Variants in SLC16A2 observed in about 807,000 individuals in gnomAD.
SLC16A2 encodes the protein solute carrier family 16 member 2.
A neutral mutation model predicts 27.2 loss-of-function variants in SLC16A2; 3 were observed. The observed-to-expected ratio is 0.11, with a 90% CI of 0.05 to 0.28. The LOEUF is 0.28. Ranked by LOEUF, SLC16A2 falls within the 10% of genes least tolerant of loss-of-function variation. SLC16A2 has a pLI of 1.00. For missense variants in SLC16A2, 295 were observed against 458.5 expected (o/e 0.64, Z 3.26); for synonymous variants, 202 against 187.8 (o/e 1.08, Z -0.62).
At chrX:74,428,147 C>T (rs775576387) in intron 1 of SLC16A2, among the ~76,000 whole-genome samples, 16 of 111,203 alleles carry the variant, frequency 1.4e-4, no homozygotes, top group African/African-American at 3.3e-4. Context: ...TACTGGGAAG[C>T]GGGTTTAGGC....
intron 1 of SLC16A2, among the ~76,000 whole-genome samples, chrX:74,442,126 G>T (rs1270130415): frequency 9.3e-6 from 1 of 107,713 alleles, no homozygotes; most frequent in Non-Finnish European, 1.9e-5. Context: ...TACTCGGGAG[G>T]CTGAGGCAGG....
At chrX:74,461,372 G>A (rs1190411945) in intron 1 of SLC16A2, among the ~76,000 whole-genome samples, 1 of 108,008 alleles carries the variant, frequency 9.3e-6, no homozygotes, top group Non-Finnish European at 1.9e-5. Context: ...AAAGATATTG[G>A]TGTGTTAGAA....
At chrX:74,497,780 C>T (rs767560707) in intron 1 of SLC16A2, among the ~76,000 whole-genome samples, 2 of 106,512 alleles carry the variant, frequency 1.9e-5, no homozygotes, top group Admixed American at 2.1e-4. Context: ...TGATAATGAA[C>T]ATAAAGGTCC....
At chrX:74,453,640 A>G (rs1928986035) in intron 1 of SLC16A2, among the ~76,000 whole-genome samples, 1 of 110,975 alleles carries the variant, frequency 9.0e-6, no homozygotes, top group Admixed American at 9.6e-5. Flanking sequence ...GTGGCTATTC[A>G]TAGGCACAAT....
At chrX:74,428,160 C>G (rs984212867) in intron 1 of SLC16A2, among the ~76,000 whole-genome samples, 1 of 111,156 alleles carries the variant, frequency 9.0e-6, no homozygotes, top group South Asian at 3.8e-4. Flanking sequence ...GTTTAGGCAA[C>G]CCCAGCTCTC....
intron 1 of SLC16A2, among the ~76,000 whole-genome samples, chrX:74,437,151 G>C (rs1371868813): frequency 1.8e-5 from 2 of 112,370 alleles, no homozygotes; most frequent in Admixed American, 1.9e-4. Flanking sequence ...CAAGCCTCGT[G>C]ACCTCCTTGC....
Position 74,518,326 on chromosome X carries a change from G to T in SLC16A2, c.431-2664G>T, listed in dbSNP as rs749073567. On this transcript the variant is annotated intron_variant, in intron 1 of 5. Coordinates refer to ENST00000587091, the MANE Select transcript of SLC16A2 (RefSeq NM_006517.5). ...AAACCTTTCTTTGCTGGGCACCATTGCTCACGCCTATAATCCCAGCACTTT... is the reference window on the plus strand; with the variant it reads ...AAACCTTTCTTTGCTGGGCACCATTTCTCACGCCTATAATCCCAGCACTTT... Among the ~76,000 whole-genome samples the T allele has an allele frequency of 2.2e-4, 25 of 112,192 alleles. 1 individual carries two copies. In the South Asian group the frequency reaches 2.6e-3, roughly 12 times the overall value.
At chrX:74,525,650 A>G (rs1366750351) in intron 3 of SLC16A2, 100 bp from the exon 4 acceptor site, 5 of 1,006,820 alleles carry the variant, frequency 5.0e-6, no homozygotes, top group Non-Finnish European at 7.0e-6. Flanking sequence ...GTCCTGCTCC[A>G]GGAAAGTAAG....
At chrX:74,456,534 A>G (rs1005185961) in intron 1 of SLC16A2, among the ~76,000 whole-genome samples, 2 of 111,546 alleles carry the variant, frequency 1.8e-5, no homozygotes, top group African/African-American at 6.5e-5. Context: ...AACGACAACA[A>G]CAACAACAAC....
intron 1 of SLC16A2, among the ~76,000 whole-genome samples, chrX:74,431,946 CCT>C (rs1174673784): frequency 8.9e-6 from 1 of 111,748 alleles, no homozygotes; most frequent in Non-Finnish European, 1.9e-5. Flanking sequence ...CAATTTGACC[CCT>C]GTGTCCTGTA....
rs146201173 is a variant in SLC16A2, at chrX:74,431,894, C to T, written c.430+9827C>T. 1.4e-3 allele frequency among the ~76,000 whole-genome samples: 152 copies of T among 111,555 alleles called. No individual in the cohort carries two copies. The East Asian group carries it at 0.021, about 15-fold the overall frequency. ...TAAGTATTTCCTCCCCATCTCCCAC[C>T]TTCCCACTCCATCTTTTCCATCTCC... On this transcript the variant is annotated intron_variant, in intron 1 of 5. Coordinates refer to ENST00000587091, the MANE Select transcript of SLC16A2 (RefSeq NM_006517.5).
intron 1 of SLC16A2, among the ~76,000 whole-genome samples, chrX:74,436,485 G>A (rs1290057033): frequency 9.0e-6 from 1 of 111,668 alleles, no homozygotes; most frequent in Non-Finnish European, 1.9e-5. Flanking sequence ...GTTTATTGTG[G>A]TAAGGCACTT....
chrX:74,450,483 A>G (rs746510822), intron 1 of SLC16A2, among the ~76,000 whole-genome samples: 1 of 111,251 alleles, frequency 9.0e-6, no homozygotes, highest in South Asian at 3.8e-4. Flanking sequence ...TAATTCTGTG[A>G]TCCGTACTCT....
At chrX:74,432,873 A>G (rs1928556853) in intron 1 of SLC16A2, among the ~76,000 whole-genome samples, 1 of 111,641 alleles carries the variant, frequency 9.0e-6, no homozygotes, top group Admixed American at 9.5e-5. Context: ...GTGAAAAGAG[A>G]TGGAGACAAA....
At chrX:74,501,994 A>T (rs960272391) in intron 1 of SLC16A2, among the ~76,000 whole-genome samples, 17 of 111,287 alleles carry the variant, frequency 1.5e-4, no homozygotes, top group Non-Finnish European at 2.5e-4. Context: ...ATTTGAACAT[A>T]AAAAAAACCT....
chrX:74,493,331 G>A (rs60345806), intron 1 of SLC16A2, among the ~76,000 whole-genome samples: 33,974 of 110,782 alleles, frequency 0.31, 5,008 homozygotes, highest in East Asian at 0.86. Context: ...GTGAAGAGAG[G>A]CAAGAGACCA....
chrX:74,477,393 A>G (rs921351709), intron 1 of SLC16A2, among the ~76,000 whole-genome samples: 2 of 111,189 alleles, frequency 1.8e-5, no homozygotes, highest in African/African-American at 3.3e-5. Context: ...TAGTCTAGCT[A>G]GCGGTCTATC....
At chrX:74,488,261 G>A (rs1269656321) in intron 1 of SLC16A2, among the ~76,000 whole-genome samples, 1 of 110,983 alleles carries the variant, frequency 9.0e-6, no homozygotes. Context: ...TAAAAAAGCA[G>A]GTCCAAAATA....
chrX:74,474,029 C>T (rs185807725), intron 1 of SLC16A2: 11 of 170,667 alleles, frequency 6.4e-5, no homozygotes, highest in East Asian at 4.1e-4. Context: ...GTTCATTTTT[C>T]AAGATTCTTT....
Sources: allele counts gnomAD v4.1 joint callset (sites outside exome capture counted in the v4.1 genomes callset), GRCh38; gene constraint gnomAD v4.1.1; transcripts MANE v1.5; gene names NCBI Gene and HGNC (gene_info 2026-07-23, HGNC 2026-07-21).